The following ERBIN variants were observed in gnomAD, a reference collection of about 807,000 sequenced individuals.
The protein encoded by ERBIN is erbb2 interacting protein, also known as densin-180-like protein.
In ERBIN, 60 loss-of-function variants were observed where a neutral mutation model predicts 158.4. The ratio of observed to expected loss-of-function variants is 0.38; its 90% CI spans 0.31 to 0.47. The LOEUF is 0.47. Ranked by LOEUF, ERBIN falls within the 20% of genes least tolerant of loss-of-function variation. ERBIN has a pLI of 0.99. For synonymous variants in ERBIN, 594 were observed against 557.2 expected (o/e 1.07, Z -0.93); for missense variants, 1,610 against 1,648.0 (o/e 0.98, Z 0.40).
chr5:66,053,999 A>G lies in ERBIN; in HGVS notation c.2681A>G (p.Gln894Arg), dbSNP rs1406745807. Residue 894 changes from glutamine (Q) to arginine (R), a missense_variant, in exon 21 of 26, where the codon CAG becomes CGG. By Grantham distance (43) the Gln-to-Arg change is conservative (BLOSUM62 1). Around this residue, in one of 2 missense-constraint regions of ERBIN, gnomAD observed 1,014 missense variants for 936.1 expected, o/e 1.08. Coordinates refer to ENST00000284037, the MANE Select transcript of ERBIN (RefSeq NM_001253697.2). ...YDILSDNGPQ[Q>R]PSTTVKITSA... ...ATTCTTAGTGATAATGGACCTCAGC[A>G]GCCAAGTACAACCGTTAAAATCACA... is the stretch of plus-strand genomic sequence containing the variant. 7 of 1,614,184 alleles carry G rather than the reference A, an allele frequency of 4.3e-6. No individual in the cohort carries two copies. Among genetic ancestry groups the G allele is most frequent in the Non-Finnish European group, 5.9e-6 (7 of 1,180,034 alleles).
rs761751803 is a variant in ERBIN at position 66,053,884 on chromosome 5, C to A, written c.2566C>A (p.Leu856Ile). 2 of 1,613,982 alleles carry A rather than the reference C, an allele frequency of 1.2e-6. No homozygotes were observed. Among genetic ancestry groups the A allele is most frequent in the African/African-American group, 1.3e-5 (1 of 74,918 alleles). The change falls in exon 21 of 26, where the codon CTC becomes ATC. Residue 856 changes from leucine to isoleucine, a missense_variant. Leu to Ile is a conservative substitution (Grantham distance 5). Coordinates refer to ENST00000284037, the MANE Select transcript of ERBIN (RefSeq NM_001253697.2). ...AGGTATTTCCAAAAGCACTGAAGATCTCTCCCCTCAGAAAAGTGGTCCAGT... is the reference window on the plus strand; with the variant it reads ...AGGTATTTCCAAAAGCACTGAAGATATCTCCCCTCAGAAAAGTGGTCCAGT... Reference protein sequence around the residue: ...DLGISKSTEDLSPQKSGPVGS... With the variant: ...DLGISKSTEDISPQKSGPVGS...
chr5:66,036,565 ACTG>A (rs1757418248), intron 14 of ERBIN, among the ~76,000 whole-genome samples: 1 of 152,150 alleles, frequency 6.6e-6, no homozygotes, highest in African/African-American at 2.4e-5. Context: ...CTTCTTGCAC[ACTG>A]TACCCTGTCT....
rs1040782256 is a variant in ERBIN at position 66,025,390 on chromosome 5, T to C, written c.818-90T>C. On this transcript the variant is annotated intron_variant, in intron 10 of 25. Transcript: ENST00000284037. ...TTGTTAGGAAAGTTGTTTCTAATTCTTGTCAGATGTAGTATGTCTCACACT... is the reference window on the plus strand; with the variant it reads ...TTGTTAGGAAAGTTGTTTCTAATTCCTGTCAGATGTAGTATGTCTCACACT... 13 of 929,558 alleles carry C rather than the reference T, an allele frequency of 1.4e-5. No homozygotes were observed. The Admixed American group carries it at 2.1e-4, about 15-fold the overall frequency. The allele number at this position is 929,558 out of a possible 1,614,324, so 57.6% of individuals were successfully genotyped here.
At chr5:66,041,678 AT>A (rs1002190623) in intron 15 of ERBIN, among the ~76,000 whole-genome samples, 3 of 152,082 alleles carry the variant, frequency 2.0e-5, no homozygotes, top group African/African-American at 7.2e-5. Flanking sequence ...TGCTTTAGAA[AT>A]AATCTAACAC....
intron 1 of ERBIN, among the ~76,000 whole-genome samples, chr5:65,948,770 T>TTG (rs1554046015): frequency 7.0e-6 from 1 of 142,488 alleles, no homozygotes; most frequent in Non-Finnish European, 1.5e-5. Context: ...GCGTTTTTTT[T>TTG]TTTTTTTTTT....
chr5:65,948,045 G>A (rs957280755), intron 1 of ERBIN, among the ~76,000 whole-genome samples: 1 of 151,590 alleles, frequency 6.6e-6, no homozygotes, highest in Non-Finnish European at 1.5e-5. Flanking sequence ...AATTTCTAAT[G>A]TGCACATTGT....
chr5:66,007,794 A>G (rs1304878688), intron 4 of ERBIN, among the ~76,000 whole-genome samples: 2 of 152,198 alleles, frequency 1.3e-5, no homozygotes, highest in Non-Finnish European at 2.9e-5. Flanking sequence ...AGGTAATTTC[A>G]GCTTGGGATA....
Position 66,047,108 on chromosome 5 carries a change from C to G in ERBIN, c.1788+570C>G, listed in dbSNP as rs180671216. Among the ~76,000 whole-genome samples, 328 of 152,184 alleles carry G rather than the reference C, an allele frequency of 2.2e-3. 2 individuals are homozygous for G. The highest frequency in any genetic ancestry group is 7.8e-3 in the African/African-American group (322 of 41,546). On this transcript the variant is annotated intron_variant, in intron 18 of 25. Transcript: ENST00000284037. ...TCTCACCCCAGAAAGAAATTCCATA[C>G]TCTTTACCTGTTACTCCTCACTCTT...
rs1254680405 is a variant in ERBIN at position 66,080,076 on chromosome 5, T to A, written c.*1546T>A. Reference sequence around the variant, plus strand: ...TTGGTTATTGCACTTCATTTTTATTTACTAAGAAATGCAATTTGGGAATTT... The same window carrying A: ...TTGGTTATTGCACTTCATTTTTATTAACTAAGAAATGCAATTTGGGAATTT... On this transcript the variant is annotated 3_prime_UTR_variant, in exon 26 of 26. Coordinates refer to ENST00000284037, the MANE Select transcript of ERBIN (RefSeq NM_001253697.2). 1 of 152,244 alleles carries A rather than the reference T, an allele frequency of 6.6e-6. No individual in the cohort carries two copies. Among genetic ancestry groups the A allele is most frequent in the Non-Finnish European group, 1.5e-5 (1 of 67,984 alleles). The allele number at this position is 152,244 out of a possible 1,614,324, so 9.4% of individuals were successfully genotyped here.
intron 1 of ERBIN, among the ~76,000 whole-genome samples, chr5:65,973,881 A>T (rs1749559844): frequency 6.6e-6 from 1 of 151,284 alleles, no homozygotes; most frequent in African/African-American, 2.5e-5. Context: ...AAGGAAAAAA[A>T]TTAGGTGCTG....
At chr5:65,944,509 A>G (rs901239955) in intron 1 of ERBIN, among the ~76,000 whole-genome samples, 3 of 152,136 alleles carry the variant, frequency 2.0e-5, no homozygotes, top group East Asian at 1.9e-4. Flanking sequence ...TGCTCAAGCA[A>G]TCCTCCCACC....
At chr5:66,026,439 A>G (rs1006257784) in intron 13 of ERBIN, 22 bp downstream of exon 13, 3 of 1,372,686 alleles carry the variant, frequency 2.2e-6, no homozygotes, top group East Asian at 4.9e-5. Context: ...TATATTCATC[A>G]GTTGGTTTAT....
chr5:65,957,704 T>C (rs1276725712), intron 1 of ERBIN, among the ~76,000 whole-genome samples: 1 of 152,254 alleles, frequency 6.6e-6, no homozygotes, highest in East Asian at 1.9e-4. Context: ...ATCGTCATCA[T>C]GGCCCGTTCT....
intron 1 of ERBIN, among the ~76,000 whole-genome samples, chr5:65,963,490 C>G (rs1266170380): frequency 1.3e-5 from 2 of 151,998 alleles, no homozygotes; most frequent in Non-Finnish European, 2.9e-5. Context: ...CCCAGCTACT[C>G]CGGAGGCTGA....
chr5:65,989,443 AT>A (rs1751628884), intron 2 of ERBIN, among the ~76,000 whole-genome samples: 1 of 152,172 alleles, frequency 6.6e-6, no homozygotes, highest in Non-Finnish European at 1.5e-5. Flanking sequence ...TGTAGTCTCT[AT>A]TCACAGAAAG....
chr5:66,025,975 G>C lies in ERBIN; in HGVS notation c.1018G>C (p.Glu340Gln), dbSNP rs1439011732. The change falls in exon 12 of 26, where the codon GAG (glutamate) becomes CAG (glutamine). Residue 340 changes from glutamate to glutamine, a missense_variant and splice_region_variant. This residue lies in a region of ERBIN where 596 missense variants were observed against 711.9 expected (regional missense o/e 0.84). Transcript: ENST00000284037. ...TAATTACTTACAGCAGTTGCCCCCA[G>C]AGGTAATGTATTTTAGATTTGTTTA... Reference protein sequence around the residue: ...DHNYLQQLPPEIGSWKNITVL... With the variant: ...DHNYLQQLPPQIGSWKNITVL... The C allele has an allele frequency of 1.3e-6, 2 of 1,578,380 alleles. No homozygotes were observed. The highest frequency in any genetic ancestry group is 2.3e-5 in the East Asian group (1 of 42,698).
chr5:66,063,028 C>G (rs1250731528), intron 21 of ERBIN, among the ~76,000 whole-genome samples: 1 of 152,226 alleles, frequency 6.6e-6, no homozygotes, highest in Non-Finnish European at 1.5e-5. Context: ...TCTCAGATCT[C>G]AAGCTGCGTG....
At chr5:66,062,011 A>G (rs962935284) in intron 21 of ERBIN, among the ~76,000 whole-genome samples, 2 of 152,066 alleles carry the variant, frequency 1.3e-5, no homozygotes, top group African/African-American at 2.4e-5. Flanking sequence ...TGAATCTGAC[A>G]ATTATGTGTC....
chr5:66,004,023 G>A (rs565302062), intron 4 of ERBIN, among the ~76,000 whole-genome samples: 4 of 139,902 alleles, frequency 2.9e-5, no homozygotes, highest in East Asian at 4.5e-4. Flanking sequence ...ACTGCATCCC[G>A]AACTCTTGGA....
Sources: allele counts gnomAD v4.1 joint callset (sites outside exome capture counted in the v4.1 genomes callset), GRCh38; gene constraint gnomAD v4.1.1; regional missense constraint gnomAD v4.1.1; transcripts MANE v1.5; gene names NCBI Gene and HGNC (gene_info 2026-07-23, HGNC 2026-07-21).